Variants in PYROXD1 observed in about 807,000 individuals in gnomAD.
PYROXD1 encodes tRNA ligase complex-associated NAD(P)H dehydrogenase PYROXD1.
PYROXD1 carries 42 observed loss-of-function variants against 62.0 expected under a neutral mutation model. That is an observed-to-expected ratio of 0.68 (90% confidence interval 0.53 to 0.88). PYROXD1 has a LOEUF of 0.88. Among genes scored for constraint, PYROXD1 ranks in the 40% least tolerant of loss-of-function variants. The pLI, the probability that PYROXD1 is intolerant of heterozygous loss-of-function variation, is 0.00. For missense variants in PYROXD1, 493 were observed against 604.8 expected, an observed-to-expected ratio of 0.82 and a Z score of 1.94; for synonymous variants, 170 against 206.4, an observed-to-expected ratio of 0.82 and a Z score of 1.51.
intron 5 of PYROXD1, among the ~76,000 whole-genome samples, chr12:21,453,220 C>A (rs1191797362): frequency 1.3e-5 from 2 of 151,980 alleles, no homozygotes; most frequent in African/African-American, 4.8e-5. Context: ...ATTTTATGTT[C>A]AAAAATGTTC....
At chr12:21,448,125 CT>C in intron 3 of PYROXD1, 1 of 672,152 alleles carries the variant, frequency 1.5e-6, no homozygotes, top group South Asian at 1.5e-5. Context: ...TGCATGTTCT[CT>C]TTTTACAGTA....
intron 6 of PYROXD1, among the ~76,000 whole-genome samples, chr12:21,455,616 T>C (rs1405209181): frequency 2.1e-5 from 3 of 144,904 alleles, no homozygotes; most frequent in African/African-American, 8.6e-5. Context: ...AACTTCATAT[T>C]TTTTTAAGTT....
chr12:21,461,211 T>G (rs202122120), intron 8 of PYROXD1, 57 bp downstream of exon 8: 1 of 286,694 alleles, frequency 3.5e-6, no homozygotes, highest in African/African-American at 6.6e-5. Context: ...GGAAAACAAT[T>G]TAATCCTGCT....
At chr12:21,449,323 A>G (rs1393260839) in intron 3 of PYROXD1, among the ~76,000 whole-genome samples, 2 of 151,482 alleles carry the variant, frequency 1.3e-5, no homozygotes, top group Non-Finnish European at 2.9e-5. Flanking sequence ...GAGAAAGACT[A>G]GTTTTCAGGA....
chr12:21,439,393 C>T (rs961332426), intron 1 of PYROXD1, among the ~76,000 whole-genome samples: 2 of 152,022 alleles, frequency 1.3e-5, no homozygotes, highest in African/African-American at 4.8e-5. Flanking sequence ...ATATAAATTA[C>T]AGAATATACA....
chr12:21,456,478 C>T (rs1942599555), intron 7 of PYROXD1, among the ~76,000 whole-genome samples: 1 of 152,156 alleles, frequency 6.6e-6, no homozygotes, highest in South Asian at 2.1e-4. Flanking sequence ...ATACTGCAGT[C>T]TATTAAATGT....
At chr12:21,455,050 C>T in intron 5 of PYROXD1, 82 bp from the exon 6 acceptor site, 2 of 732,644 alleles carry the variant, frequency 2.7e-6, no homozygotes, top group South Asian at 9.6e-5. Context: ...ACTTTTGCTT[C>T]AGGAGATCAT....
chr12:21,461,964 C>A (rs538744106), intron 8 of PYROXD1, 44 bp from the exon 9 acceptor site: 3 of 1,187,742 alleles, frequency 2.5e-6, no homozygotes, highest in Non-Finnish European at 3.7e-6. Context: ...GTGATGGTTC[C>A]ATTTACAAAT....
intron 9 of PYROXD1, 117 bp from the exon 10 acceptor site, chr12:21,462,623 T>G: frequency 8.4e-7 from 1 of 1,184,204 alleles, no homozygotes; most frequent in Non-Finnish European, 1.2e-6. Flanking sequence ...TATTTTTCAT[T>G]TTCTCATTAA....
intron 5 of PYROXD1, among the ~76,000 whole-genome samples, chr12:21,453,754 G>T (rs530710096): frequency 6.6e-6 from 1 of 152,028 alleles, no homozygotes; most frequent in African/African-American, 2.4e-5. Context: ...GTGGTTACTT[G>T]TAATAACTTT....
chr12:21,468,525 A>G lies in PYROXD1; in HGVS notation c.1274A>G (p.Tyr425Cys), dbSNP rs1269628923. Residue 425 changes from tyrosine to cysteine, a missense_variant, in exon 12 of 12, where the codon TAC becomes TGC. Tyr to Cys is a radical substitution (Grantham distance 194). Transcript: ENST00000240651. ...ATATAGGTTGTACTGCTGGGAAAAT[A>G]CAATGCACAGGGCTTAGGTTCAGAT... ...FNYKVVLLGK[Y>C]NAQGLGSDHE... The G allele has an allele frequency of 1.2e-6, 2 of 1,612,448 alleles. No individual in the cohort carries two copies.
chr12:21,455,836 ATATT>A (rs1450420006), intron 6 of PYROXD1, among the ~76,000 whole-genome samples, 155 bp from the exon 7 acceptor site: 1 of 152,136 alleles, frequency 6.6e-6, no homozygotes, highest in East Asian at 1.9e-4. Context: ...CATCAGAAAA[ATATT>A]AATGACTAAA....
intron 3 of PYROXD1, chr12:21,447,830 C>CA (rs1371157911): frequency 3.5e-4 from 58 of 166,496 alleles, no homozygotes; most frequent in South Asian, 2.0e-3. Context: ...ACTAAAAATA[C>CA]AAAAAAAAAT....
At chr12:21,468,388 A>T (rs1591961476) in intron 11 of PYROXD1, 118 bp from the exon 12 acceptor site, 2 of 883,772 alleles carry the variant, frequency 2.3e-6, no homozygotes, top group East Asian at 5.1e-5. Context: ...TAACATTTTT[A>T]GTTATGAAAT....
chr12:21,460,659 G>T (rs1181659418), intron 7 of PYROXD1, among the ~76,000 whole-genome samples: 1 of 152,084 alleles, frequency 6.6e-6, no homozygotes, highest in Non-Finnish European at 1.5e-5. Flanking sequence ...CTGACCTCAG[G>T]TGATCCACCT....
At chr12:21,458,524 C>T (rs1393886393) in intron 7 of PYROXD1, among the ~76,000 whole-genome samples, 1 of 152,220 alleles carries the variant, frequency 6.6e-6, no homozygotes, top group Non-Finnish European at 1.5e-5. Flanking sequence ...GGCAAGAGGC[C>T]TGGCTTTCCA....
At chr12:21,465,379 G>T (rs1490704491) in intron 10 of PYROXD1, among the ~76,000 whole-genome samples, 2 of 152,144 alleles carry the variant, frequency 1.3e-5, no homozygotes, top group African/African-American at 4.8e-5. Flanking sequence ...GTGTGAGATG[G>T]TATCTCACTG....
intron 8 of PYROXD1, 33 bp from the exon 9 acceptor site, chr12:21,461,975 A>C (rs1327708368): frequency 5.1e-6 from 7 of 1,366,160 alleles, no homozygotes; most frequent in African/African-American, 2.9e-5. Flanking sequence ...ATTTACAAAT[A>C]AAGTCTGTTT....
At chr12:21,457,471 G>A (rs1229026843) in intron 7 of PYROXD1, among the ~76,000 whole-genome samples, 1 of 151,200 alleles carries the variant, frequency 6.6e-6, no homozygotes, top group Non-Finnish European at 1.5e-5. Context: ...TCTCAATGGT[G>A]GGCTTCAAAT....
Sources: allele counts gnomAD v4.1 joint callset (sites outside exome capture counted in the v4.1 genomes callset), GRCh38; gene constraint gnomAD v4.1.1; transcripts MANE v1.5; gene names NCBI Gene and HGNC (gene_info 2026-07-23, HGNC 2026-07-21).